BTBD9: variants seen among roughly 807,000 people sequenced by gnomAD.
The protein encoded by BTBD9 is BTB domain containing 9, also known as BTB/POZ domain-containing protein 9.
A neutral mutation model predicts 64.3 loss-of-function variants in BTBD9; 49 were observed. That is an observed-to-expected ratio of 0.76 (90% CI 0.61 to 0.97). The LOEUF (loss-of-function observed/expected upper bound fraction) is 0.97. Ranked by LOEUF, BTBD9 falls within the 50% of genes least tolerant of loss-of-function variation. The pLI, the probability that BTBD9 is intolerant of heterozygous loss-of-function variation, is 0.00. For missense variants in BTBD9, 598 were observed against 762.1 expected (o/e 0.78, Z 2.53); for synonymous variants, 260 against 274.7 (o/e 0.95, Z 0.53).
intron 7 of BTBD9, among the ~76,000 whole-genome samples, chr6:38,292,858 G>A (rs549480123): frequency 2.0e-5 from 3 of 151,924 alleles, no homozygotes; most frequent in East Asian, 3.9e-4. Flanking sequence ...TGTCTTCTGC[G>A]AGTTTTTGAA....
chr6:38,595,856 C>A, intron 2 of BTBD9: 1 of 985,268 alleles, frequency 1.0e-6, no homozygotes, highest in Non-Finnish European at 1.2e-6. Flanking sequence ...CTAAAATTAC[C>A]AAATTAAAGA....
intron 6 of BTBD9, among the ~76,000 whole-genome samples, chr6:38,490,222 G>T (rs1480468844): frequency 6.6e-6 from 1 of 152,174 alleles, no homozygotes; most frequent in Non-Finnish European, 1.5e-5. Flanking sequence ...CTTGCTTGCT[G>T]CAAGTCCTTA....
chr6:38,564,386 A>T (rs1221315314), intron 6 of BTBD9, among the ~76,000 whole-genome samples: 1 of 152,182 alleles, frequency 6.6e-6, no homozygotes, highest in Non-Finnish European at 1.5e-5. Flanking sequence ...TGTTGAATAA[A>T]TGAGGAAAAA....
At chr6:38,420,628 CA>C (rs1767860810) in intron 6 of BTBD9, among the ~76,000 whole-genome samples, 1 of 151,708 alleles carries the variant, frequency 6.6e-6, no homozygotes, top group African/African-American at 2.4e-5. Flanking sequence ...GAAGCTGAGG[CA>C]GGGGGATCAC....
intron 6 of BTBD9, among the ~76,000 whole-genome samples, chr6:38,451,293 A>C (rs1297485033): frequency 6.6e-6 from 1 of 152,216 alleles, no homozygotes; most frequent in African/African-American, 2.4e-5. Context: ...TACTTGCTCA[A>C]TGAATAAATG....
intron 6 of BTBD9, among the ~76,000 whole-genome samples, chr6:38,506,831 T>C (rs1772545294): frequency 6.6e-6 from 1 of 152,334 alleles, no homozygotes; most frequent in East Asian, 1.9e-4. Flanking sequence ...AGGCTTTCCA[T>C]TTTTCCTGAA....
intron 6 of BTBD9, among the ~76,000 whole-genome samples, chr6:38,362,986 G>GA (rs1234066057): frequency 1.3e-5 from 2 of 152,008 alleles, no homozygotes; most frequent in Admixed American, 6.6e-5. Context: ...GAGAAAACGG[G>GA]AAAAAAAGAA....
chr6:38,314,848 T>A (rs949715837), intron 7 of BTBD9, among the ~76,000 whole-genome samples: 8 of 152,150 alleles, frequency 5.3e-5, no homozygotes, highest in African/African-American at 1.7e-4. Context: ...CATCTCTGAT[T>A]AATTAATTTA....
chr6:38,532,587 C>A (rs1277582371), intron 6 of BTBD9, among the ~76,000 whole-genome samples: 1 of 152,080 alleles, frequency 6.6e-6, no homozygotes, highest in East Asian at 1.9e-4. Context: ...ATCTTGGATA[C>A]CAGCTCAGCC....
At chr6:38,498,397 AT>A (rs1222081383) in intron 6 of BTBD9, among the ~76,000 whole-genome samples, 3 of 149,384 alleles carry the variant, frequency 2.0e-5, no homozygotes, top group Non-Finnish European at 4.4e-5. Flanking sequence ...AATTTCTTTC[AT>A]TATTTAGAGA....
chr6:38,299,449 T>C (rs184361005), intron 7 of BTBD9, among the ~76,000 whole-genome samples: 1 of 152,234 alleles, frequency 6.6e-6, no homozygotes, highest in African/African-American at 2.4e-5. Flanking sequence ...TCCACAATGG[T>C]TGAACTAGTT....
intron 9 of BTBD9, among the ~76,000 whole-genome samples, chr6:38,250,047 T>G (rs1764340460): frequency 6.6e-6 from 1 of 152,198 alleles, no homozygotes; most frequent in South Asian, 2.1e-4. Context: ...TTTAAAATCA[T>G]AAGCAATGTT....
At chr6:38,193,477 G>A (rs1298848846) in intron 9 of BTBD9, among the ~76,000 whole-genome samples, 1 of 152,190 alleles carries the variant, frequency 6.6e-6, no homozygotes, top group Non-Finnish European at 1.5e-5. Flanking sequence ...GGTTTCGAAA[G>A]CATCCCCGAT....
chr6:38,278,174 G>A (rs573021573), intron 8 of BTBD9, among the ~76,000 whole-genome samples: 4 of 152,216 alleles, frequency 2.6e-5, no homozygotes, highest in African/African-American at 7.2e-5. Context: ...TCCCTATCTT[G>A]TTTCTCTGGG....
intron 8 of BTBD9, among the ~76,000 whole-genome samples, chr6:38,284,507 C>T (rs1441407000): frequency 1.3e-5 from 2 of 152,146 alleles, no homozygotes; most frequent in African/African-American, 2.4e-5. Context: ...ATAATAACCT[C>T]ATGTAGTCCA....
intron 7 of BTBD9, 21 bp from the exon 8 acceptor site, chr6:38,288,482 T>C (rs1761832190): frequency 1.2e-6 from 2 of 1,612,194 alleles, no homozygotes; most frequent in African/African-American, 1.3e-5. Context: ...AAAAACAAGA[T>C]TTGGCATCAG....
At chr6:38,361,707 G>C (rs576770011) in intron 6 of BTBD9, among the ~76,000 whole-genome samples, 1 of 152,196 alleles carries the variant, frequency 6.6e-6, no homozygotes, top group East Asian at 1.9e-4. Flanking sequence ...AGGCGTGGTG[G>C]TGCAGGCCTG....
intron 9 of BTBD9, among the ~76,000 whole-genome samples, chr6:38,252,675 G>T (rs1307086423): frequency 1.3e-5 from 2 of 152,162 alleles, no homozygotes; most frequent in East Asian, 1.9e-4. Context: ...AAAAGATGTT[G>T]GTAATTTAAT....
At chr6:38,451,789 C>A (rs1769565625) in intron 6 of BTBD9, among the ~76,000 whole-genome samples, 1 of 152,084 alleles carries the variant, frequency 6.6e-6, no homozygotes, top group African/African-American at 2.4e-5. Context: ...TGAAAAGTAA[C>A]CATCAAATTT....
Sources: allele counts gnomAD v4.1 joint callset (sites outside exome capture counted in the v4.1 genomes callset), GRCh38; gene constraint gnomAD v4.1.1; transcripts MANE v1.5; gene names NCBI Gene and HGNC (gene_info 2026-07-23, HGNC 2026-07-21).